The following CLN8 variants were observed in gnomAD, a reference collection of about 807,000 sequenced individuals.
The protein encoded by CLN8 is protein CLN8.
In CLN8, 14 loss-of-function variants were observed where a neutral mutation model predicts 15.7. That is an observed-to-expected ratio of 0.89 (90% CI 0.59 to 1.39). The LOEUF (loss-of-function observed/expected upper bound fraction) is 1.39, where lower values mean the gene tolerates loss of function less well. Ranked by LOEUF, CLN8 falls within the 40% of genes most tolerant of loss-of-function variation. CLN8 has a pLI of 0.00. For synonymous variants in CLN8, 188 were observed against 151.0 expected (o/e 1.25, Z -1.80); for missense variants, 415 against 364.0 (o/e 1.14, Z -1.14).
At chr8:1,754,200 G>C (rs1186207476), upstream of CLN8, among the ~76,000 whole-genome samples, 3 of 152,190 alleles carry the variant, frequency 2.0e-5, no homozygotes, top group African/African-American at 7.2e-5. Flanking sequence ...TCCCCTGCAA[G>C]TGTCTGTTTC....
upstream of CLN8, chr8:1,762,040 A>G (rs923364514): frequency 6.6e-6 from 1 of 152,222 alleles, no homozygotes; most frequent in Admixed American, 6.5e-5. Flanking sequence ...AGTTTCTTCC[A>G]AAGTTAGTTT....
At chr8:1,772,886 A>G in intron 2 of CLN8, 1 of 398,598 alleles carries the variant, frequency 2.5e-6, no homozygotes. Context: ...AGCCATTCAC[A>G]CAAATGGGTC....
rs766132197 is a variant in CLN8 at position 1,771,189 on chromosome 8, G to C, written c.135G>C (p.Leu45=). Residue 45 remains leucine, a synonymous_variant, in exon 2 of 3, where the codon CTG becomes CTC. Transcript: ENST00000331222. ...GCGTCTTTGTGGTCTGCCACCAGCT[G>C]TCCTCTTCCCTGAATGCCACTTACC... ...YLGVFVVCHQ[L]SSSLNATYRS... The C allele has an allele frequency of 6.2e-6, 10 of 1,614,088 alleles. No homozygotes were observed. The South Asian group carries it at 1.1e-4, about 18-fold the overall frequency.
intron 1 of CLN8, among the ~76,000 whole-genome samples, chr8:1,770,331 A>G (rs138086117): frequency 4.5e-4 from 69 of 152,288 alleles, no homozygotes; most frequent in African/African-American, 1.6e-3. Context: ...AGGTTATAGC[A>G]TGGAGTGAGA....
In CLN8 at chr8:1,771,543, G is replaced by A. The variant is rs1585138564; in HGVS notation, c.489G>A (p.Thr163=). 1.9e-6 allele frequency: 3 copies of A among 1,614,068 alleles called. No homozygotes were observed. The highest frequency in any genetic ancestry group is 2.5e-6 in the Non-Finnish European group (3 of 1,180,022). The change falls in exon 2 of 3, where the codon ACG becomes ACA. Residue 163 remains threonine (T), a synonymous_variant. Transcript: ENST00000331222. ...LQAGHYLAMT[T]LLLEMSTPFT... ...CTGGCCACTATCTAGCTATGACCAC[G>A]TTGCTCCTGGAGATGAGCACGCCCT...
At chr8:1,769,489 C>G (rs1273044804) in intron 1 of CLN8, among the ~76,000 whole-genome samples, 1 of 152,140 alleles carries the variant, frequency 6.6e-6, no homozygotes, top group East Asian at 1.9e-4. Context: ...GCCCTGCTGT[C>G]TGTTCGCTGG....
intron 1 of CLN8, among the ~76,000 whole-genome samples, chr8:1,766,981 G>A (rs1345196241): frequency 1.3e-5 from 2 of 152,222 alleles, no homozygotes; most frequent in Non-Finnish European, 2.9e-5. Context: ...GTGAACCACA[G>A]CTGTTCTCAG....
intron 1 of CLN8, chr8:1,758,311 G>A (rs897777337): frequency 1.1e-5 from 1 of 88,634 alleles, no homozygotes; most frequent in Non-Finnish European, 2.7e-5. Context: ...AGAACGGTAA[G>A]ACAGACTTGT....
rs1801779456 is a variant in CLN8 at position 1,784,372 on chromosome 8, G to A, written c.*3805G>A. On this transcript the variant is annotated 3_prime_UTR_variant, in exon 3 of 3. Transcript: ENST00000331222. The stretch of plus-strand genomic sequence containing the variant: ...GGTGTGGGCTGATTAGTTTCTGCTG[G>A]GAACACTGCATCCTCACGTGGTGGA... 6.6e-6 allele frequency: 1 copy of A among 152,284 alleles called. No homozygotes were observed. The highest frequency in any genetic ancestry group is 6.6e-5 in the Admixed American group (1 of 15,262). 9.4% of individuals were successfully genotyped at this position (152,284 alleles called of 1,614,324 possible).
chr8:1,757,897 T>C (rs1800709043), intron 1 of CLN8, among the ~76,000 whole-genome samples: 1 of 152,206 alleles, frequency 6.6e-6, no homozygotes, highest in Admixed American at 6.5e-5. Context: ...GTTTGTCTGA[T>C]CCTCAAATAG....
At chr8:1,768,824 C>T (rs1801185290) in intron 1 of CLN8, among the ~76,000 whole-genome samples, 2 of 152,168 alleles carry the variant, frequency 1.3e-5, no homozygotes, top group African/African-American at 2.4e-5. Context: ...CTTGCCAGCC[C>T]CTTAATACCA....
rs55742804 is a variant in CLN8 at position 1,784,241 on chromosome 8, C to T, written c.*3674C>T. 10,669 of 151,984 alleles carry T rather than the reference C, an allele frequency of 0.07. 439 individuals carry two copies. The highest frequency in any genetic ancestry group is 0.098 in the Non-Finnish European group (6,711 of 68,266). The allele number at this position is 151,984 out of a possible 1,614,324, so 9.4% of individuals were successfully genotyped here. A position where few individuals can be genotyped will look rare whatever the true frequency, so the allele number is the denominator to read the frequency against. ...CAGAGATTGCAGTGAGCCGAGATCACGCCATTGCACTCCAGCCTGGGTGAC... is the reference window on the plus strand; with the variant it reads ...CAGAGATTGCAGTGAGCCGAGATCATGCCATTGCACTCCAGCCTGGGTGAC... On this transcript the variant is annotated 3_prime_UTR_variant, in exon 3 of 3. Coordinates refer to ENST00000331222, the MANE Select transcript of CLN8 (RefSeq NM_018941.4).
upstream of CLN8, chr8:1,760,525 C>T (rs1458752541): frequency 2.6e-5 from 4 of 152,182 alleles, no homozygotes; most frequent in African/African-American, 9.7e-5. Context: ...ACTATTTTAT[C>T]ACTCTGCTTT....
At chr8:1,770,373 G>C (rs557990089) in intron 1 of CLN8, among the ~76,000 whole-genome samples, 1 of 152,134 alleles carries the variant, frequency 6.6e-6, no homozygotes, top group Non-Finnish European at 1.5e-5. Context: ...AACCAGAGAA[G>C]GTATAATTGA....
In CLN8 at chr8:1,780,602, C is replaced by T. The variant is rs752838012; in HGVS notation, c.*35C>T. On this transcript the variant is annotated 3_prime_UTR_variant, in exon 3 of 3. Coordinates refer to ENST00000331222, the MANE Select transcript of CLN8 (RefSeq NM_018941.4). ...CCGGGGCTCCGGGGCGGCAGCAGAG[C>T]TGGCACACCGATTCTGGGAAGCCCC... 3.7e-6 allele frequency: 6 copies of T among 1,602,708 alleles called. No individual in the cohort carries two copies. Among genetic ancestry groups the T allele is most frequent in the Non-Finnish European group, 5.1e-6 (6 of 1,171,320 alleles).
intron 2 of CLN8, among the ~76,000 whole-genome samples, chr8:1,773,167 G>A (rs571457404): frequency 3.8e-4 from 58 of 152,316 alleles, no homozygotes; most frequent in African/African-American, 1.4e-3. Flanking sequence ...CAGATGGGGT[G>A]TGTGAGCACA....
At chr8:1,776,937 G>A (rs1362035354) in intron 2 of CLN8, among the ~76,000 whole-genome samples, 1 of 152,212 alleles carries the variant, frequency 6.6e-6, no homozygotes, top group Non-Finnish European at 1.5e-5. Flanking sequence ...ACACAGACAC[G>A]GTGAGAGACG....
At chr8:1,774,432 C>T (rs958277395) in intron 2 of CLN8, among the ~76,000 whole-genome samples, 1 of 152,120 alleles carries the variant, frequency 6.6e-6, no homozygotes, top group South Asian at 2.1e-4. Flanking sequence ...AGTAAGAAAA[C>T]ACTATGTCTA....
At chr8:1,775,713 A>G (rs1801485044) in intron 2 of CLN8, among the ~76,000 whole-genome samples, 1 of 152,196 alleles carries the variant, frequency 6.6e-6, no homozygotes. Context: ...TGCACAGTGT[A>G]CTGTACAGTT....
Sources: allele counts gnomAD v4.1 joint callset (sites outside exome capture counted in the v4.1 genomes callset), GRCh38; gene constraint gnomAD v4.1.1; transcripts MANE v1.5; gene names NCBI Gene and HGNC (gene_info 2026-07-23, HGNC 2026-07-21).